Variants in WASHC4 observed in about 807,000 individuals in gnomAD.
WASHC4 encodes the protein WASH complex subunit 4.
Under a neutral mutation model 166.6 loss-of-function variants are expected in WASHC4, and 86 were observed. The observed-to-expected ratio is 0.52, with a 90% confidence interval of 0.43 to 0.62. The LOEUF (loss-of-function observed/expected upper bound fraction) is 0.62. Among genes scored for constraint, WASHC4 ranks in the 20% least tolerant of loss-of-function variants. WASHC4 has a pLI of 0.00. For missense variants in WASHC4, 1,262 were observed against 1,382.4 expected, an observed-to-expected ratio of 0.91 and a Z score of 1.38; for synonymous variants, 446 against 451.6, an observed-to-expected ratio of 0.99 and a Z score of 0.16.
In WASHC4 at chr12:105,145,902, G is replaced by A. The variant is rs1038728087; in HGVS notation, c.2335-550G>A. ...TGATCAAAAGAAGCATAACAGTTTG[G>A]AATTAGACTTTCTAAAGTCCCAAGG... is the stretch of plus-strand genomic sequence containing the variant. On this transcript the variant is annotated intron_variant, in intron 22 of 32. Coordinates refer to ENST00000332180, the MANE Select transcript of WASHC4 (RefSeq NM_015275.3). 2.0e-4 allele frequency among the ~76,000 whole-genome samples: 31 copies of A among 152,018 alleles called. 1 individual carries two copies. Among genetic ancestry groups the A allele is most frequent in the African/African-American group, 7.2e-4 (30 of 41,434 alleles).
In WASHC4 at chr12:105,144,284, T is replaced by C; in HGVS notation, c.2011-3T>C. The C allele has an allele frequency of 3.1e-6, 5 of 1,609,758 alleles. No individual in the cohort carries two copies. Among genetic ancestry groups the C allele is most frequent in the Non-Finnish European group, 8.5e-7 (1 of 1,176,884 alleles). ...ATTAAAGTATCAAATCTTTTGTGAA[T>C]AGCATTTGCTGGACAAATTATGCAA... On this transcript the variant is annotated splice_polypyrimidine_tract_variant and splice_region_variant and intron_variant, in intron 20 of 32. Coordinates refer to ENST00000332180, the MANE Select transcript of WASHC4 (RefSeq NM_015275.3).
chr12:105,109,643 CA>C (rs1424187773), intron 1 of WASHC4, among the ~76,000 whole-genome samples: 1 of 139,088 alleles, frequency 7.2e-6, no homozygotes, highest in Non-Finnish European at 1.5e-5. Context: ...GTTTCTCTAG[CA>C]TTGTCTTTTT....
At position 105,120,539 on chromosome 12, in the gene WASHC4, T is replaced by G. The variant is rs1472988483; in HGVS notation, c.519-16T>G. 1.9e-6 allele frequency: 3 copies of G among 1,547,364 alleles called. No individual in the cohort carries two copies. The highest frequency in any genetic ancestry group is 2.7e-6 in the Non-Finnish European group (3 of 1,119,964). On this transcript the variant is annotated splice_polypyrimidine_tract_variant and intron_variant, in intron 7 of 32. Transcript: ENST00000332180. ...AAAAGGAAGTTTTTTTTAACTTGGT[T>G]GTTATTTTATTATAGGATTGCACCC...
chr12:105,166,800 C>T, intron 32 of WASHC4, 64 bp from the exon 33 acceptor site: 1 of 1,166,456 alleles, frequency 8.6e-7, no homozygotes, highest in Non-Finnish European at 1.3e-6. Context: ...ATTTCTTTTA[C>T]TTCTTAATTT....
intron 28 of WASHC4, among the ~76,000 whole-genome samples, chr12:105,158,160 T>C (rs180789003): frequency 8.8e-4 from 134 of 152,330 alleles, no homozygotes; most frequent in African/African-American, 3.1e-3. Flanking sequence ...GGAAGAATGC[T>C]TGTTAAATTT....
Position 105,144,474 on chromosome 12 carries a change from T to C in WASHC4, c.2179+19T>C, listed in dbSNP as rs750293576. The stretch of plus-strand genomic sequence containing the variant: ...ATTCGGGGTGAGTGTTTTGCTTTCC[T>C]TCTTAGAGTCATATTCTCTTTTTTT... On this transcript the variant is annotated intron_variant, in intron 21 of 32. Coordinates refer to ENST00000332180, the MANE Select transcript of WASHC4 (RefSeq NM_015275.3). 3.1e-6 allele frequency: 5 copies of C among 1,604,266 alleles called. No homozygotes were observed. The South Asian group carries it at 5.5e-5, about 18-fold the overall frequency.
At chr12:105,110,237 G>A (rs1197076560) in intron 1 of WASHC4, among the ~76,000 whole-genome samples, 2 of 152,196 alleles carry the variant, frequency 1.3e-5, no homozygotes, top group Non-Finnish European at 2.9e-5. Context: ...TACAGCATGA[G>A]TCAGAACACA....
rs1430665720 is a variant in WASHC4 at position 105,156,713 on chromosome 12, T to C, written c.2759-13T>C. On this transcript the variant is annotated splice_polypyrimidine_tract_variant and intron_variant, in intron 26 of 32. Transcript: ENST00000332180. ...TTTATATAAATATCTGATTTTTTTGTGTGGTTTTTAAGGTAATGCTATGGG... is the reference window on the plus strand; with the variant it reads ...TTTATATAAATATCTGATTTTTTTGCGTGGTTTTTAAGGTAATGCTATGGG... 1 of 1,595,336 alleles carries C rather than the reference T, an allele frequency of 6.3e-7. No homozygotes were observed. The highest frequency in any genetic ancestry group is 8.6e-7 in the Non-Finnish European group (1 of 1,163,818).
intron 30 of WASHC4, 25 bp downstream of exon 30, chr12:105,162,870 C>A (rs368718731): frequency 7.9e-7 from 1 of 1,261,372 alleles, no homozygotes; most frequent in East Asian, 2.4e-5. Context: ...ATTGTTTTTC[C>A]ATTAATTTTA....
intron 15 of WASHC4, 109 bp from the exon 16 acceptor site, chr12:105,140,185 G>A (rs559704320): frequency 4.0e-4 from 332 of 825,512 alleles, no homozygotes; most frequent in Non-Finnish European, 5.3e-4. Flanking sequence ...AGGTTTTTTT[G>A]TATCTCATTT....
At position 105,107,771 on chromosome 12, in the gene WASHC4, G is replaced by A. The variant is rs1201541097; in HGVS notation, c.-30G>A. On this transcript the variant is annotated 5_prime_UTR_variant, in exon 1 of 33. Coordinates refer to ENST00000332180, the MANE Select transcript of WASHC4 (RefSeq NM_015275.3). ...GCCGTCGTCGCCGCACGGGCTGGTTGGGGCTGTGTCTGTGGGAGGCGCCGG... is the reference window on the plus strand; with the variant it reads ...GCCGTCGTCGCCGCACGGGCTGGTTAGGGCTGTGTCTGTGGGAGGCGCCGG... 6.5e-7 allele frequency: 1 copy of A among 1,532,084 alleles called. No individual in the cohort carries two copies. The highest frequency in any genetic ancestry group is 8.8e-7 in the Non-Finnish European group (1 of 1,130,058). The allele number at this position is 1,532,084 out of a possible 1,614,324, so 94.9% of individuals were successfully genotyped here. A position where few individuals can be genotyped will look rare whatever the true frequency, so the allele number is the denominator to read the frequency against.
intron 26 of WASHC4, chr12:105,155,293 A>G (rs1049180473): frequency 1.3e-5 from 2 of 152,480 alleles, no homozygotes; most frequent in African/African-American, 4.8e-5. Context: ...ACAGGAGGTG[A>G]CATTTGAGCA....
intron 28 of WASHC4, among the ~76,000 whole-genome samples, chr12:105,158,551 G>A (rs1012587309): frequency 2.0e-5 from 3 of 152,086 alleles, no homozygotes; most frequent in African/African-American, 4.8e-5. Flanking sequence ...AAAAATACAC[G>A]GAGATTGTTC....
intron 24 of WASHC4, chr12:105,147,952 AATT>A: frequency 1.0e-6 from 1 of 984,690 alleles, no homozygotes; most frequent in Non-Finnish European, 1.2e-6. Context: ...CACTTGAAGG[AATT>A]ATTTGAACTC....
At chr12:105,143,013 T>A in intron 19 of WASHC4, 114 bp from the exon 20 acceptor site, 1 of 717,990 alleles carries the variant, frequency 1.4e-6, no homozygotes, top group Non-Finnish European at 2.5e-6. Context: ...TTGTGGAAAA[T>A]CATTTTTCCT....
At chr12:105,131,801 G>A (rs1479317568) in intron 13 of WASHC4, among the ~76,000 whole-genome samples, 1 of 152,180 alleles carries the variant, frequency 6.6e-6, no homozygotes, top group Non-Finnish European at 1.5e-5. Context: ...AAGCCACAAA[G>A]TATGACTATT....
chr12:105,129,362 G>A (rs1227849122), intron 13 of WASHC4, among the ~76,000 whole-genome samples: 1 of 152,198 alleles, frequency 6.6e-6, no homozygotes, highest in African/African-American at 2.4e-5. Context: ...GGGATTATAG[G>A]CGTGAGCCAT....
intron 27 of WASHC4, 41 bp downstream of exon 27, chr12:105,156,833 T>G (rs1884192552): frequency 7.1e-7 from 1 of 1,412,070 alleles, no homozygotes; most frequent in Admixed American, 1.7e-5. Context: ...TTATGCCATT[T>G]TAAAAATTGT....
chr12:105,121,264 A>G, intron 9 of WASHC4, 60 bp downstream of exon 9: 1 of 1,035,342 alleles, frequency 9.7e-7, no homozygotes, highest in East Asian at 2.5e-5. Context: ...TTGTGTTAGT[A>G]AAAAGTAAAC....
Sources: gnomAD v4.1 joint callset for allele counts (sites outside exome capture counted in the v4.1 genomes callset) on GRCh38, gnomAD v4.1.1 for gene constraint, MANE v1.5 for transcripts, NCBI Gene and HGNC (gene_info 2026-07-23, HGNC 2026-07-21) for gene names.